Variants in ESRP1 observed in about 807,000 individuals in gnomAD.
ESRP1 encodes the protein RNA-binding motif protein 35A.
ESRP1 carries 33 observed loss-of-function variants against 81.7 expected under a neutral mutation model. The ratio of observed to expected loss-of-function variants is 0.40; its 90% CI spans 0.31 to 0.54. The LOEUF (loss-of-function observed/expected upper bound fraction) is 0.54, where lower values mean the gene tolerates loss of function less well. Among genes scored for constraint, ESRP1 ranks in the 20% least tolerant of loss-of-function variants. ESRP1 has a pLI of 0.41. For synonymous variants in ESRP1, 320 were observed against 303.3 expected, an observed-to-expected ratio of 1.06 and a Z score of -0.57; for missense variants, 672 against 833.1, an observed-to-expected ratio of 0.81 and a Z score of 2.38.
intron 12 of ESRP1, among the ~76,000 whole-genome samples, chr8:94,676,832 C>T (rs1484766053): frequency 6.6e-6 from 1 of 151,614 alleles, no homozygotes; most frequent in Non-Finnish European, 1.5e-5. Flanking sequence ...AGGCACTGTC[C>T]TGTAATGAAC....
At chr8:94,690,955 T>C (rs935707104) in intron 13 of ESRP1, among the ~76,000 whole-genome samples, 2 of 152,218 alleles carry the variant, frequency 1.3e-5, no homozygotes, top group African/African-American at 4.8e-5. Flanking sequence ...GTCAAGAGTT[T>C]GGGTGATTCT....
chr8:94,650,872 A>AT (rs1818090157), intron 4 of ESRP1, among the ~76,000 whole-genome samples: 1 of 151,896 alleles, frequency 6.6e-6, no homozygotes, highest in Non-Finnish European at 1.5e-5. Flanking sequence ...CCCATGGCTA[A>AT]TTTTTTGTAT....
chr8:94,674,539 C>T (rs1452283298), intron 12 of ESRP1, 33 bp downstream of exon 12: 6 of 1,585,710 alleles, frequency 3.8e-6, no homozygotes, highest in Non-Finnish European at 5.2e-6. Flanking sequence ...CGCTATTCTA[C>T]GCTATATGCT....
At chr8:94,677,913 G>A (rs1808708442) in intron 12 of ESRP1, among the ~76,000 whole-genome samples, 1 of 152,144 alleles carries the variant, frequency 6.6e-6, no homozygotes, top group Non-Finnish European at 1.5e-5. Flanking sequence ...TCAGGAACAT[G>A]AGGGAAAAAA....
intron 13 of ESRP1, among the ~76,000 whole-genome samples, chr8:94,689,905 C>T (rs1380761532): frequency 6.7e-6 from 1 of 148,844 alleles, no homozygotes; most frequent in African/African-American, 2.5e-5. Flanking sequence ...CAAGCTCCAT[C>T]TCCCAGGTTC....
chr8:94,663,957 C>T (rs995228589), intron 6 of ESRP1, among the ~76,000 whole-genome samples: 3 of 152,106 alleles, frequency 2.0e-5, no homozygotes, highest in Non-Finnish European at 4.4e-5. Context: ...ACACATTCCT[C>T]ATGTGGGTTA....
chr8:94,682,476 C>T (rs1563540331), intron 13 of ESRP1, among the ~76,000 whole-genome samples: 1 of 152,152 alleles, frequency 6.6e-6, no homozygotes, highest in Admixed American at 6.5e-5. Flanking sequence ...AAGCGATCCT[C>T]ACGCCTCAGT....
At chr8:94,666,859 T>A (rs1323843452) in intron 9 of ESRP1, among the ~76,000 whole-genome samples, 1 of 152,212 alleles carries the variant, frequency 6.6e-6, no homozygotes, top group Non-Finnish European at 1.5e-5. Context: ...CAAAGTCAAT[T>A]GTTTATATCA....
At position 94,674,359 on chromosome 8, in the gene ESRP1, T is replaced by C. The variant is rs1163323314; in HGVS notation, c.1504T>C (p.Phe502Leu). The C allele has an allele frequency of 6.2e-7, 1 of 1,613,988 alleles. No homozygotes were observed. The highest frequency in any genetic ancestry group is 8.5e-7 in the Non-Finnish European group (1 of 1,179,884). ...FIQMKSADRA[F>L]MAAQKCHKKN... The stretch of plus-strand genomic sequence containing the variant: ...CCAGATGAAGTCTGCGGACAGAGCA[T>C]TTATGGCTGCACAGAAGTGTCATAA... Residue 502 changes from phenylalanine (F) to leucine (L), a missense_variant, in exon 12 of 16, where the codon TTT becomes CTT. Physicochemically the swap from Phe to Leu is conservative, Grantham distance 22 (BLOSUM62 0). Transcript: ENST00000433389.
At chr8:94,688,414 G>T in intron 13 of ESRP1, 2 of 277,856 alleles carry the variant, frequency 7.2e-6, no homozygotes, top group South Asian at 9.1e-5. Context: ...AAATTGTTGT[G>T]AACCTCACAG....
intron 4 of ESRP1, among the ~76,000 whole-genome samples, chr8:94,660,718 A>AAAAAAAC: frequency 1.5e-5 from 1 of 68,302 alleles, no homozygotes; most frequent in African/African-American, 3.5e-5. Context: ...TCAAAAAAAA[A>AAAAAAAC]AAAAAAAAAA....
Position 94,668,022 on chromosome 8 carries a change from C to T in ESRP1, c.1005C>T (p.Phe335=). 2 of 1,613,690 alleles carry T rather than the reference C, an allele frequency of 1.2e-6. No homozygotes were observed. Among genetic ancestry groups the T allele is most frequent in the Middle Eastern group, 1.7e-4 (1 of 6,058 alleles). The change falls in exon 10 of 16, where the codon TTC becomes TTT. Residue 335 remains phenylalanine, a synonymous_variant. Transcript: ENST00000433389. The part of the protein sequence containing the change: ...QVIVRMRGLP[F]TATAEEVVAF... ...TTGTCCGCATGCGGGGGCTCCCTTT[C>T]ACGGCCACAGCTGAAGAAGTGGTGG... is the stretch of plus-strand genomic sequence containing the variant.
chr8:94,657,019 C>G lies in ESRP1; in HGVS notation c.491-5253C>G, dbSNP rs1158121121. 3.3e-5 allele frequency among the ~76,000 whole-genome samples: 5 copies of G among 152,210 alleles called. No individual in the cohort carries two copies. In the East Asian group the frequency reaches 9.6e-4, roughly 29 times the overall value. On this transcript the variant is annotated intron_variant, in intron 4 of 15. Transcript: ENST00000433389. ...CTAATGTAAGTGTGGATTAAATCCT[C>G]AAGCCTGTTTCACCAGTGGTGGTCA...
At chr8:94,648,852 T>C (rs1277059161) in intron 4 of ESRP1, among the ~76,000 whole-genome samples, 1 of 152,258 alleles carries the variant, frequency 6.6e-6, no homozygotes, top group Non-Finnish European at 1.5e-5. Flanking sequence ...CCCTCAGTGA[T>C]GTCACAATAT....
chr8:94,654,250 G>A (rs1041630132), intron 4 of ESRP1, among the ~76,000 whole-genome samples: 15 of 152,156 alleles, frequency 9.9e-5, no homozygotes, highest in Admixed American at 7.2e-4. Flanking sequence ...CCTGGGTGGC[G>A]GAGGTTGCGG....
chr8:94,686,382 T>C (rs1809141518), intron 13 of ESRP1, among the ~76,000 whole-genome samples: 2 of 152,256 alleles, frequency 1.3e-5, no homozygotes, highest in South Asian at 4.1e-4. Flanking sequence ...TGATCCTAAG[T>C]AATCAATGTC....
Position 94,674,428 on chromosome 8 carries a change from G to A in ESRP1, c.1573G>A (p.Ala525Thr). The A allele has an allele frequency of 1.2e-6, 2 of 1,613,998 alleles. No individual in the cohort carries two copies. Among genetic ancestry groups the A allele is most frequent in the South Asian group, 1.1e-5 (1 of 91,082 alleles). Residue 525 changes from alanine (A) to threonine (T), a missense_variant, in exon 12 of 16, where the codon GCT (alanine) becomes ACT (threonine). By Grantham distance (58) the Ala-to-Thr change is moderately conservative (BLOSUM62 0). Transcript: ENST00000433389. ...DRYVEVFQCS[A>T]EEMNFVLMGG... is the part of the protein sequence containing the mutation. Reference sequence around the variant, plus strand: ...ATATGTTGAAGTCTTTCAGTGTTCAGCTGAGGAGATGAACTTTGTGTTAAT... The same window carrying A: ...ATATGTTGAAGTCTTTCAGTGTTCAACTGAGGAGATGAACTTTGTGTTAAT...
intron 13 of ESRP1, among the ~76,000 whole-genome samples, chr8:94,679,584 C>T (rs990577555): frequency 1.3e-5 from 2 of 152,130 alleles, no homozygotes; most frequent in East Asian, 1.9e-4. Context: ...ATCTTGAAGC[C>T]CCAAAGGCAG....
chr8:94,665,837 C>T (rs1184543183), intron 9 of ESRP1, among the ~76,000 whole-genome samples: 3 of 152,146 alleles, frequency 2.0e-5, no homozygotes, highest in Admixed American at 6.5e-5. Flanking sequence ...TGCTTTCAAA[C>T]GGCCACGCTG....
Sources: gnomAD v4.1 joint callset for allele counts (sites outside exome capture counted in the v4.1 genomes callset) on GRCh38, gnomAD v4.1.1 for gene constraint, MANE v1.5 for transcripts, NCBI Gene and HGNC (gene_info 2026-07-23, HGNC 2026-07-21) for gene names.